Variants in SGTA observed in about 807,000 individuals in gnomAD.
SGTA encodes small glutamine rich tetratricopeptide repeat co-chaperone alpha, also known as small glutamine-rich tetratricopeptide repeat-containing protein alpha.
Under a neutral mutation model 44.3 loss-of-function variants are expected in SGTA, and 22 were observed. The ratio of observed to expected loss-of-function variants is 0.50; its 90% CI spans 0.36 to 0.71. SGTA has a LOEUF of 0.71. SGTA is among the 30% of genes least tolerant of loss of function. SGTA has a pLI of 0.00. For missense variants in SGTA, 341 were observed against 435.9 expected (o/e 0.78, Z 1.94); for synonymous variants, 174 against 177.6 (o/e 0.98, Z 0.16).
intron 9 of SGTA, 88 bp from the exon 10 acceptor site, chr19:2,757,870 C>T: frequency 1.2e-6 from 1 of 866,820 alleles, no homozygotes; most frequent in Non-Finnish European, 1.7e-6. Context: ...GAGAGAATCC[C>T]TCTCAGCCCT....
At chr19:2,776,130 G>C (rs144865569) in intron 1 of SGTA, among the ~76,000 whole-genome samples, 1 of 152,250 alleles carries the variant, frequency 6.6e-6, no homozygotes, top group African/African-American at 2.4e-5. Context: ...CATCCGCCCC[G>C]GCCAACAGGG....
At chr19:2,762,445 CT>C in intron 7 of SGTA, 60 bp downstream of exon 7, 1 of 1,587,272 alleles carries the variant, frequency 6.3e-7, no homozygotes, top group Non-Finnish European at 8.6e-7. Context: ...GCCCGAGGAC[CT>C]GTCCCCCACC....
At chr19:2,757,514 G>A (rs997697192) in intron 10 of SGTA, 57 bp from the exon 11 acceptor site, 70 of 1,584,184 alleles carry the variant, frequency 4.4e-5, no homozygotes, top group Non-Finnish European at 5.5e-5. Flanking sequence ...TGCTGCCTCC[G>A]TCCATCCCCA....
chr19:2,782,031 G>A (rs909309613), intron 1 of SGTA, among the ~76,000 whole-genome samples: 5 of 152,044 alleles, frequency 3.3e-5, no homozygotes, highest in African/African-American at 1.2e-4. Flanking sequence ...CAGTAGAGAC[G>A]GGGTTTCACC....
rs1258519430 is a variant in SGTA, at chr19:2,765,833, T to C, written c.293-548A>G. 1.3e-5 allele frequency among the ~76,000 whole-genome samples: 2 copies of C among 151,546 alleles called. No individual in the cohort carries two copies. Among genetic ancestry groups the C allele is most frequent in the Non-Finnish European group, 2.9e-5 (2 of 68,012 alleles). On this transcript the variant is annotated intron_variant, in intron 4 of 11. Transcript: ENST00000221566. This position sits in a 1 kb window ranked among gnomAD's most constrained non-coding sequence, Gnocchi z 5.5. ...CCCACTCCCGCCCCCGAGATCCCAA[T>C]TCAGGAGGGCGTGGGGGGAAGATGG...
Position 2,767,749 on chromosome 19 carries a change from C to A in SGTA, c.101-63G>T. The A allele has an allele frequency of 2.3e-6, 3 of 1,331,668 alleles. No individual in the cohort carries two copies. The highest frequency in any genetic ancestry group is 3.2e-6 in the Non-Finnish European group (3 of 928,194). The allele number at this position is 1,331,668 out of a possible 1,614,324, so 82.5% of individuals were successfully genotyped here. ...CAGCCCCGAGGTTACGTTTTTGGGT[C>A]TAGAGGGCGGGGTTGGTGCTCATGC... On this transcript the variant is annotated intron_variant, in intron 2 of 11. Transcript: ENST00000221566. The surrounding 1 kb of genome is among the most constrained non-coding windows in gnomAD (Gnocchi z 7.3).
At chr19:2,776,138 G>A (rs1167583200) in intron 1 of SGTA, among the ~76,000 whole-genome samples, 2 of 152,202 alleles carry the variant, frequency 1.3e-5, no homozygotes, top group Admixed American at 6.5e-5. Context: ...CCGGCCAACA[G>A]GGTTCAGAGA....
Position 2,755,185 on chromosome 19 carries a change from AG to A in SGTA, c.*754del, listed in dbSNP as rs1914786269. ...GCTGCCTTCCCTGTGCCCGGGGCTA[AG>A]GCGGCCGGGACAGAAGGTCATGATG... is the stretch of plus-strand genomic sequence containing the variant. On this transcript the variant is annotated 3_prime_UTR_variant, in exon 12 of 12. Transcript: ENST00000221566. The surrounding 1 kb of genome is among the most constrained non-coding windows in gnomAD (Gnocchi z 5.2). 6.4e-6 allele frequency: 1 copy of A among 156,708 alleles called. No individual in the cohort carries two copies. Among genetic ancestry groups the A allele is most frequent in the Non-Finnish European group, 1.4e-5 (1 of 71,386 alleles). 9.7% of individuals were successfully genotyped at this position (156,708 alleles called of 1,614,324 possible).
chr19:2,764,312 A>C (rs1261691885), intron 5 of SGTA, among the ~76,000 whole-genome samples: 1 of 152,250 alleles, frequency 6.6e-6, no homozygotes, highest in Non-Finnish European at 1.5e-5. Context: ...CACATTCAAA[A>C]AACACAACCC....
Position 2,761,641 on chromosome 19 carries a change from C to G in SGTA, c.637-119G>C. ...CTCAGACATTCTATCAACCCTGCGG[C>G]CAGAGGGTGCTTTGAGGCAGGCAGC... On this transcript the variant is annotated intron_variant, in intron 7 of 11. Transcript: ENST00000221566. The surrounding 1 kb of genome is among the most constrained non-coding windows in gnomAD (Gnocchi z 5.7). The G allele has an allele frequency of 1.2e-6, 1 of 822,102 alleles. No individual in the cohort carries two copies. Among genetic ancestry groups the G allele is most frequent in the Non-Finnish European group, 2.0e-6 (1 of 505,670 alleles). 50.9% of individuals were successfully genotyped at this position (822,102 alleles called of 1,614,324 possible). A position where few individuals can be genotyped will look rare whatever the true frequency, so the allele number is the denominator to read the frequency against.
chr19:2,772,665 C>T (rs994652826), intron 1 of SGTA, among the ~76,000 whole-genome samples: 11 of 152,228 alleles, frequency 7.2e-5, no homozygotes, highest in African/African-American at 2.2e-4. Context: ...TACCAGTGTA[C>T]GGCGGGTCCC....
intron 1 of SGTA, among the ~76,000 whole-genome samples, chr19:2,779,320 A>G (rs1915518051): frequency 6.6e-6 from 1 of 152,194 alleles, no homozygotes; most frequent in Admixed American, 6.5e-5. Context: ...CATGTGACAC[A>G]GGCCAGTGGT....
Position 2,755,662 on chromosome 19 carries a change from A to T in SGTA, c.*278T>A, listed in dbSNP as rs565653586. 1 of 985,500 alleles carries T rather than the reference A, an allele frequency of 1.0e-6. No homozygotes were observed. Among genetic ancestry groups the T allele is most frequent in the African/African-American group, 1.7e-5 (1 of 57,340 alleles). 61.0% of individuals were successfully genotyped at this position (985,500 alleles called of 1,614,324 possible). A position where few individuals can be genotyped will look rare whatever the true frequency, so the allele number is the denominator to read the frequency against. ...ACCCCAGGATTCTAGAAAACACTCA[A>T]GTGACCGAGCTTTCTGGGGGCTGGA... On this transcript the variant is annotated 3_prime_UTR_variant, in exon 12 of 12. Transcript: ENST00000221566. This position sits in a 1 kb window ranked among gnomAD's most constrained non-coding sequence, Gnocchi z 5.2.
intron 1 of SGTA, among the ~76,000 whole-genome samples, chr19:2,781,182 C>T (rs1473548229): frequency 1.3e-5 from 2 of 152,150 alleles, no homozygotes; most frequent in East Asian, 3.8e-4. Context: ...TTGAGTAAGA[C>T]GACAGCTCTC....
In SGTA at chr19:2,777,108, G is replaced by A. The variant is rs137913808; in HGVS notation, c.-24+6125C>T. 6.0e-4 allele frequency among the ~76,000 whole-genome samples: 91 copies of A among 151,010 alleles called. 1 individual carries two copies. The highest frequency in any genetic ancestry group is 1.9e-3 in the African/African-American group (76 of 40,784). On this transcript the variant is annotated intron_variant, in intron 1 of 11. Coordinates refer to ENST00000221566, the MANE Select transcript of SGTA (RefSeq NM_003021.4). ...GAAACCCAGTGTACAAAAAATAGCC[G>A]GTCGTAGTGGTGCGCGCCTGTAATC...
intron 1 of SGTA, among the ~76,000 whole-genome samples, chr19:2,778,780 TAACAAAACAA>T (rs199548409): frequency 1.4e-4 from 22 of 152,076 alleles, no homozygotes; most frequent in Non-Finnish European, 1.9e-4. Context: ...GCCCTGTCTC[TAACAAAACAA>T]AACAAAACAA....
chr19:2,768,188 G>A (rs1281462937), intron 2 of SGTA, among the ~76,000 whole-genome samples: 2 of 152,124 alleles, frequency 1.3e-5, no homozygotes, highest in East Asian at 3.8e-4. Context: ...TCTCTCTGCT[G>A]GCCCACCTGA....
chr19:2,760,621 T>C (rs573631932), intron 8 of SGTA, among the ~76,000 whole-genome samples: 3 of 151,326 alleles, frequency 2.0e-5, no homozygotes, highest in South Asian at 2.1e-4. Context: ...AAGGCGTCTG[T>C]GACATGGCCA....
chr19:2,761,888 G>A lies in SGTA; in HGVS notation c.637-366C>T, dbSNP rs1039163985. Among the ~76,000 whole-genome samples, 13 of 148,020 alleles carry A rather than the reference G, an allele frequency of 8.8e-5. No individual in the cohort carries two copies. The highest frequency in any genetic ancestry group is 3.4e-4 in the African/African-American group (13 of 38,490). On this transcript the variant is annotated intron_variant, in intron 7 of 11. Transcript: ENST00000221566. This position sits in a 1 kb window ranked among gnomAD's most constrained non-coding sequence, Gnocchi z 5.7. ...GTCTATCATCCCGTGTTTATTCCCC[G>A]TACAGCGCGACCGCCCGGGGACGGC...
Sources: allele counts gnomAD v4.1 joint callset (sites outside exome capture counted in the v4.1 genomes callset), GRCh38; gene constraint gnomAD v4.1.1; non-coding constraint Gnocchi (gnomAD v3.1); transcripts MANE v1.5; gene names NCBI Gene and HGNC (gene_info 2026-07-23, HGNC 2026-07-21).